The following ULK4 variants were observed in gnomAD, a reference collection of about 807,000 sequenced individuals.
The protein encoded by ULK4 is unc-51 like kinase 4.
Under a neutral mutation model 160.6 loss-of-function variants are expected in ULK4, and 133 were observed. The ratio of observed to expected loss-of-function variants is 0.83; its 90% CI spans 0.72 to 0.96. The LOEUF (loss-of-function observed/expected upper bound fraction) is 0.96. Ranked by LOEUF, ULK4 falls within the 40% of genes least tolerant of loss-of-function variation. The pLI is 0.00. For synonymous variants in ULK4, 534 were observed against 539.8 expected (o/e 0.99, Z 0.15); for missense variants, 1,580 against 1,499.5 (o/e 1.05, Z -0.89).
intron 34 of ULK4, among the ~76,000 whole-genome samples, chr3:41,425,507 G>A (rs971736182): frequency 6.6e-6 from 1 of 152,014 alleles, no homozygotes; most frequent in African/African-American, 2.4e-5. Context: ...GATTCTCCAA[G>A]GTCAAAATGA....
At chr3:41,783,293 T>C (rs1023258810) in intron 21 of ULK4, among the ~76,000 whole-genome samples, 6 of 151,968 alleles carry the variant, frequency 3.9e-5, no homozygotes, top group African/African-American at 1.5e-4. Flanking sequence ...TCCCAGCACT[T>C]TGGGAGGCTG....
At chr3:41,247,225 T>G (rs1358255695) in intron 36 of ULK4, among the ~76,000 whole-genome samples, 1 of 152,170 alleles carries the variant, frequency 6.6e-6, no homozygotes. Flanking sequence ...CCACTCACTA[T>G]CTGAGCCACC....
At position 41,763,528 on chromosome 3, in the gene ULK4, T is replaced by G. The variant is rs1234043706; in HGVS notation, c.2194-9040A>C. Among the ~76,000 whole-genome samples, 3 of 152,378 alleles carry G rather than the reference T, an allele frequency of 2.0e-5. No individual in the cohort carries two copies. In the East Asian group the frequency reaches 5.8e-4, roughly 29 times the overall value. Reference sequence around the variant, plus strand: ...TGGAGTGAACGCTGTGTATGTTAGCTATAGTAGTAGTTGGCATTTTATTGT... The same window carrying G: ...TGGAGTGAACGCTGTGTATGTTAGCGATAGTAGTAGTTGGCATTTTATTGT... On this transcript the variant is annotated intron_variant, in intron 21 of 36. Coordinates refer to ENST00000301831, the MANE Select transcript of ULK4 (RefSeq NM_017886.4).
chr3:41,291,906 C>T (rs1414785102), intron 35 of ULK4, among the ~76,000 whole-genome samples: 1 of 151,362 alleles, frequency 6.6e-6, no homozygotes, highest in Non-Finnish European at 1.5e-5. Flanking sequence ...TCTCGGCTCA[C>T]TGCAAGCTCC....
intron 30 of ULK4, among the ~76,000 whole-genome samples, chr3:41,640,670 G>T (rs77630002): frequency 3.5e-4 from 53 of 152,178 alleles, no homozygotes; most frequent in African/African-American, 1.2e-3. Flanking sequence ...ATAAAATATG[G>T]CCAAAGGCAT....
At chr3:41,639,913 T>C (rs954294503) in intron 30 of ULK4, among the ~76,000 whole-genome samples, 4 of 152,180 alleles carry the variant, frequency 2.6e-5, no homozygotes, top group Non-Finnish European at 4.4e-5. Flanking sequence ...ATGATACCCG[T>C]GATGACTGGG....
chr3:41,726,492 A>G (rs114772188), intron 22 of ULK4, among the ~76,000 whole-genome samples: 1,637 of 152,382 alleles, frequency 0.011, 15 homozygotes, highest in Non-Finnish European at 0.017. Flanking sequence ...CAAGCGTTCT[A>G]CGAAAAGCAG....
chr3:41,683,025 T>A (rs979044511), intron 27 of ULK4, among the ~76,000 whole-genome samples: 1 of 152,128 alleles, frequency 6.6e-6, no homozygotes, highest in Non-Finnish European at 1.5e-5. Flanking sequence ...ACAGTATTTA[T>A]GAGACAGAGT....
chr3:41,598,432 C>G (rs1356310865), intron 31 of ULK4, among the ~76,000 whole-genome samples: 3 of 152,328 alleles, frequency 2.0e-5, no homozygotes, highest in African/African-American at 7.2e-5. Flanking sequence ...TGTAAGCAAT[C>G]TTCCAGAGCA....
intron 35 of ULK4, among the ~76,000 whole-genome samples, chr3:41,305,907 C>A (rs2079909787): frequency 2.0e-5 from 3 of 149,390 alleles, no homozygotes; most frequent in Admixed American, 2.0e-4. Context: ...CTCTGCCCGG[C>A]TGCGACCCCG....
chr3:41,417,248 A>AC (rs1401970907), intron 34 of ULK4, among the ~76,000 whole-genome samples: 3 of 152,178 alleles, frequency 2.0e-5, no homozygotes, highest in African/African-American at 7.2e-5. Flanking sequence ...AAAGCTTTCT[A>AC]CTAGTAACTG....
chr3:41,892,511 C>G (rs577271696), intron 16 of ULK4, among the ~76,000 whole-genome samples: 1 of 152,244 alleles, frequency 6.6e-6, no homozygotes, highest in East Asian at 1.9e-4. Context: ...TATTATTCAG[C>G]CTTAAAAAGG....
chr3:41,311,877 C>CATATACATATATAT (rs1553641794), intron 35 of ULK4, among the ~76,000 whole-genome samples: 3 of 146,574 alleles, frequency 2.0e-5, no homozygotes, highest in African/African-American at 7.8e-5. Context: ...AAACTCTCCT[C>CATATACATATATAT]ATATATATAT....
intron 30 of ULK4, among the ~76,000 whole-genome samples, chr3:41,629,801 G>C (rs2033673162): frequency 6.6e-6 from 1 of 151,484 alleles, no homozygotes; most frequent in South Asian, 2.1e-4. Flanking sequence ...GACCAGCCTG[G>C]GCAACATGGA....
chr3:41,391,888 C>T (rs2081964439), intron 35 of ULK4, among the ~76,000 whole-genome samples: 2 of 152,078 alleles, frequency 1.3e-5, no homozygotes, highest in Admixed American at 1.3e-4. Context: ...ACCTCTGCTG[C>T]ACCAGGTAGA....
At chr3:41,367,706 G>T (rs1174334186) in intron 35 of ULK4, among the ~76,000 whole-genome samples, 1 of 152,086 alleles carries the variant, frequency 6.6e-6, no homozygotes, top group Non-Finnish European at 1.5e-5. Flanking sequence ...TTGATAACTT[G>T]CCCTGTTTAT....
At chr3:41,943,767 G>A (rs1015833231) in intron 2 of ULK4, among the ~76,000 whole-genome samples, 11 of 152,030 alleles carry the variant, frequency 7.2e-5, no homozygotes, top group Non-Finnish European at 1.0e-4. Context: ...CCTTCCAAAA[G>A]CCAAAACCTC....
intron 32 of ULK4, among the ~76,000 whole-genome samples, chr3:41,533,395 A>G (rs1029818578): frequency 1.3e-5 from 2 of 152,148 alleles, no homozygotes; most frequent in East Asian, 3.8e-4. Flanking sequence ...AGCAGCCTCA[A>G]TCTCAAATTA....
At chr3:41,344,247 T>C (rs2080750395) in intron 35 of ULK4, among the ~76,000 whole-genome samples, 1 of 152,180 alleles carries the variant, frequency 6.6e-6, no homozygotes, top group South Asian at 2.1e-4. Flanking sequence ...ATTTAATAAA[T>C]GGTGCTGGAA....
Sources: gnomAD v4.1 joint callset for allele counts (sites outside exome capture counted in the v4.1 genomes callset) on GRCh38, gnomAD v4.1.1 for gene constraint, MANE v1.5 for transcripts, NCBI Gene and HGNC (gene_info 2026-07-23, HGNC 2026-07-21) for gene names.